The following VAV3 variants were observed in gnomAD, a reference collection of about 807,000 sequenced individuals.
VAV3 encodes the protein guanine nucleotide exchange factor VAV3.
Under a neutral mutation model 131.2 loss-of-function variants are expected in VAV3, and 94 were observed. The ratio of observed to expected loss-of-function variants is 0.72; its 90% CI spans 0.61 to 0.85. The LOEUF is 0.85. Ranked by LOEUF, VAV3 falls within the 40% of genes least tolerant of loss-of-function variation. The pLI is 0.00. For missense variants in VAV3, 939 were observed against 1,002.7 expected, an observed-to-expected ratio of 0.94 and a Z score of 0.86; for synonymous variants, 349 against 342.0, an observed-to-expected ratio of 1.02 and a Z score of -0.22.
At chr1:107,859,452 G>A (rs759722338) in intron 2 of VAV3, among the ~76,000 whole-genome samples, 1 of 152,058 alleles carries the variant, frequency 6.6e-6, no homozygotes, top group Non-Finnish European at 1.5e-5. Flanking sequence ...TTTAAACTCT[G>A]CATAAAAACA....
chr1:107,789,365 C>T (rs775427507), intron 2 of VAV3, among the ~76,000 whole-genome samples: 1 of 152,194 alleles, frequency 6.6e-6, no homozygotes. Flanking sequence ...GATAGGATCT[C>T]GTCGTGGGGA....
At chr1:107,852,681 A>C (rs1477530075) in intron 2 of VAV3, among the ~76,000 whole-genome samples, 1 of 152,180 alleles carries the variant, frequency 6.6e-6, no homozygotes, top group Non-Finnish European at 1.5e-5. Context: ...CCAAATTATT[A>C]AATTAACATT....
intron 20 of VAV3, among the ~76,000 whole-genome samples, chr1:107,637,558 G>A (rs1209509238): frequency 2.6e-5 from 4 of 152,180 alleles, no homozygotes; most frequent in Non-Finnish European, 5.9e-5. Context: ...AGGAGGCAGA[G>A]GCTGCAATGA....
chr1:107,805,072 C>T (rs964028377), intron 2 of VAV3, among the ~76,000 whole-genome samples: 2 of 151,860 alleles, frequency 1.3e-5, no homozygotes, highest in African/African-American at 4.8e-5. Flanking sequence ...TGCTTCTTTT[C>T]TCTTTCTGCT....
intron 16 of VAV3, 107 bp from the exon 17 acceptor site, chr1:107,704,757 C>G: frequency 9.7e-7 from 1 of 1,028,574 alleles, no homozygotes; most frequent in Non-Finnish European, 1.4e-6. Flanking sequence ...CTTCAAGGTA[C>G]CCCCTTGGTA....
intron 1 of VAV3, among the ~76,000 whole-genome samples, chr1:107,934,279 TACA>T (rs1673599338): frequency 6.6e-6 from 1 of 152,192 alleles, no homozygotes; most frequent in East Asian, 1.9e-4. Flanking sequence ...CTATTAATAT[TACA>T]ACAAGAAACA....
At chr1:107,934,487 C>T (rs1255651781) in intron 1 of VAV3, among the ~76,000 whole-genome samples, 1 of 152,114 alleles carries the variant, frequency 6.6e-6, no homozygotes, top group Admixed American at 6.6e-5. Context: ...GTTTTTTAAG[C>T]CATTTAACTA....
intron 1 of VAV3, among the ~76,000 whole-genome samples, chr1:107,913,182 C>A (rs1672451252): frequency 6.6e-6 from 1 of 152,140 alleles, no homozygotes; most frequent in Non-Finnish European, 1.5e-5. Flanking sequence ...AATTTTTAAT[C>A]ATATTTTAAA....
At chr1:107,868,255 A>G (rs1446811526) in intron 2 of VAV3, among the ~76,000 whole-genome samples, 2 of 152,216 alleles carry the variant, frequency 1.3e-5, no homozygotes, top group African/African-American at 4.8e-5. Flanking sequence ...ATGTCAAACA[A>G]GTACCTAAAA....
intron 10 of VAV3, among the ~76,000 whole-genome samples, chr1:107,759,711 T>C (rs1378637187): frequency 6.6e-6 from 1 of 152,180 alleles, no homozygotes; most frequent in African/African-American, 2.4e-5. Context: ...CAAAAAAGTA[T>C]AGTTGTATTT....
In VAV3 at chr1:107,766,505, A is replaced by G. The variant is rs766169217; in HGVS notation, c.763T>C (p.Ser255Pro). Residue 255 changes from serine to proline, a missense_variant, in exon 8 of 27, where the codon TCC (serine) becomes CCC (proline). Physicochemically the swap from Ser to Pro is moderately conservative, Grantham distance 74 (BLOSUM62 -1). Transcript: ENST00000370056. The part of the protein sequence containing the change: ...HRNLMQEIHD[S>P]IVNKNDQNLY... ...TTCTGGTCATTTTTATTTACAATGG[A>G]ATCATGAATCTCTTGCATTAGGTTC... The G allele has an allele frequency of 6.2e-7, 1 of 1,613,640 alleles. No individual in the cohort carries two copies. Among genetic ancestry groups the G allele is most frequent in the Non-Finnish European group, 8.5e-7 (1 of 1,179,764 alleles).
chr1:107,658,901 T>C (rs1329075347), intron 19 of VAV3, among the ~76,000 whole-genome samples: 5 of 152,134 alleles, frequency 3.3e-5, no homozygotes, highest in Admixed American at 1.3e-4. Flanking sequence ...CTGTAGGTTG[T>C]CTGTTCACTC....
chr1:107,682,286 A>T (rs1269566141), intron 19 of VAV3, among the ~76,000 whole-genome samples: 2 of 152,160 alleles, frequency 1.3e-5, no homozygotes, highest in African/African-American at 4.8e-5. Context: ...AAAATACATT[A>T]AAAAAATAAC....
At chr1:107,880,259 G>A (rs891537899) in intron 1 of VAV3, among the ~76,000 whole-genome samples, 1 of 152,206 alleles carries the variant, frequency 6.6e-6, no homozygotes, top group African/African-American at 2.4e-5. Context: ...AAGAGAAGGA[G>A]TGGTTGGTGT....
rs563192040 is a variant in VAV3 at position 107,798,180 on chromosome 1, G to C, written c.322-18688C>G. 1.0e-3 allele frequency among the ~76,000 whole-genome samples: 158 copies of C among 152,264 alleles called. 1 individual carries two copies. The highest frequency in any genetic ancestry group is 3.8e-3 in the African/African-American group (156 of 41,542). On this transcript the variant is annotated intron_variant, in intron 2 of 26. Transcript: ENST00000370056. ...CAAACCAACAAGGGAAAATTCTAAC[G>C]AGGCTGAATTCATAATTCATGAATT...
Position 107,690,172 on chromosome 1 carries a change from A to G in VAV3, c.1706-1766T>C, listed in dbSNP as rs191690822. ...ATTATTTTTTTCTGATTCTTCCCAT[A>G]GAAGTGTTTTTAGGTCCTTGCAAAG... On this transcript the variant is annotated intron_variant, in intron 17 of 26. Transcript: ENST00000370056. 5.9e-5 allele frequency among the ~76,000 whole-genome samples: 9 copies of G among 152,306 alleles called. 1 individual carries two copies. Among genetic ancestry groups the G allele is most frequent in the East Asian group, 3.9e-4 (2 of 5,190 alleles).
chr1:107,738,470 G>GTGAAA (rs1227160113), intron 15 of VAV3, among the ~76,000 whole-genome samples: 3 of 152,146 alleles, frequency 2.0e-5, no homozygotes, highest in Non-Finnish European at 4.4e-5. Context: ...GGCATGTATT[G>GTGAAA]TGAAATGCAC....
At chr1:107,875,855 C>T (rs1670470256) in intron 1 of VAV3, among the ~76,000 whole-genome samples, 1 of 152,154 alleles carries the variant, frequency 6.6e-6, no homozygotes, top group East Asian at 1.9e-4. Flanking sequence ...AGTGTGGTCA[C>T]TTTTTGACTG....
chr1:107,632,487 A>G lies in VAV3; in HGVS notation c.1914+10132T>C, dbSNP rs148604462. ...ACATGACTTGAATTTAGTTTTTCTC[A>G]TACTGCCAGTGGTTCATTTCAATAA... is the stretch of plus-strand genomic sequence containing the variant. On this transcript the variant is annotated intron_variant, in intron 20 of 26. Coordinates refer to ENST00000370056, the MANE Select transcript of VAV3 (RefSeq NM_006113.5). Among the ~76,000 whole-genome samples the G allele has an allele frequency of 5.5e-4, 84 of 152,328 alleles. No individual in the cohort carries two copies. In the East Asian group the frequency reaches 0.016, roughly 28 times the overall value.
Sources: gnomAD v4.1 joint callset for allele counts (sites outside exome capture counted in the v4.1 genomes callset) on GRCh38, gnomAD v4.1.1 for gene constraint, MANE v1.5 for transcripts, NCBI Gene and HGNC (gene_info 2026-07-23, HGNC 2026-07-21) for gene names.